Variants in SMARCA4 observed in about 807,000 individuals in gnomAD.
SMARCA4 encodes the protein SWI/SNF-related matrix-associated actin-dependent regulator of chromatin subfamily A member 4.
Under a neutral mutation model 193.9 loss-of-function variants are expected in SMARCA4, and 31 were observed. The ratio of observed to expected loss-of-function variants is 0.16; its 90% CI spans 0.12 to 0.22. SMARCA4 has a LOEUF of 0.22. SMARCA4 is among the 10% of genes least tolerant of loss of function. The pLI is 1.00. For missense variants in SMARCA4, 1,148 were observed against 2,296.0 expected (o/e 0.50, Z 10.22); for synonymous variants, 942 against 933.1 (o/e 1.01, Z -0.17).
At position 11,033,093 on chromosome 19, in the gene SMARCA4, A is replaced by C. The variant is rs111321203; in HGVS notation, c.3547-197A>C. On this transcript the variant is annotated intron_variant, in intron 25 of 34. Transcript: ENST00000344626. This position sits in a 1 kb window ranked among gnomAD's most constrained non-coding sequence, Gnocchi z 9.8. ...GGCACTTCTGGAGGAACGTGATGAG[A>C]GTCCCCTTCCCCCGAGGGACACATG... 5.9e-5 allele frequency: 39 copies of C among 655,836 alleles called. No homozygotes were observed. The highest frequency in any genetic ancestry group is 5.7e-4 in the African/African-American group (32 of 56,344). 40.6% of individuals were successfully genotyped at this position (655,836 alleles called of 1,614,324 possible).
At chr19:11,009,006 A>AATTTT (rs1568464528) in intron 14 of SMARCA4, among the ~76,000 whole-genome samples, 1 of 48,716 alleles carries the variant, frequency 2.1e-5, no homozygotes, top group African/African-American at 1.3e-4. Flanking sequence ...GATAAAAGTC[A>AATTTT]CTTTTTTTTT....
rs1060504452 is a variant in SMARCA4, at chr19:11,013,098, C to T, written c.2424C>T (p.Ile808=). The change falls in exon 16 of 35, where the codon ATC becomes ATT. Residue 808 remains isoleucine (I), a synonymous_variant. Coordinates refer to ENST00000344626, the MANE Select transcript of SMARCA4 (RefSeq NM_003072.5). ...EHKRINGPFL[I]IVPLSTLSNW... The stretch of plus-strand genomic sequence containing the variant: ...AACGCATCAATGGGCCCTTCCTCAT[C>T]ATCGTGCCTCTCTCGTGAGTACCCG... 1 of 1,614,128 alleles carries T rather than the reference C, an allele frequency of 6.2e-7. No homozygotes were observed. The highest frequency in any genetic ancestry group is 1.3e-5 in the African/African-American group (1 of 75,034).
At chr19:11,049,675 T>A (rs2146958278) in intron 30 of SMARCA4, among the ~76,000 whole-genome samples, 1 of 152,258 alleles carries the variant, frequency 6.6e-6, no homozygotes, top group Non-Finnish European at 1.5e-5. Context: ...GGGCACACCC[T>A]TGGTGTGCTT....
In SMARCA4 at chr19:11,021,958, C is replaced by T. The variant is rs141259126; in HGVS notation, c.2850C>T (p.Thr950=). The T allele has an allele frequency of 5.4e-5, 87 of 1,612,116 alleles. No individual in the cohort carries two copies. The African/African-American group carries it at 7.3e-4, about 14-fold the overall frequency. ...EQWFNAPFAM[T]GEKVDLNEEE... ...GGTTTAACGCACCCTTTGCCATGAC[C>T]GGGGAAAAGGTGGGTTTGCCCAGCT... is the stretch of plus-strand genomic sequence containing the variant. Residue 950 remains threonine (T), a synonymous_variant, in exon 19 of 35, where the codon ACC becomes ACT. Transcript: ENST00000344626.
At chr19:10,999,595 C>G (rs2087430602) in intron 11 of SMARCA4, among the ~76,000 whole-genome samples, 1 of 151,928 alleles carries the variant, frequency 6.6e-6, no homozygotes, top group South Asian at 2.1e-4. Context: ...GAGTTTGAGG[C>G]TATAGTGAGC....
At chr19:11,018,078 C>T (rs553102166) in intron 16 of SMARCA4, among the ~76,000 whole-genome samples, 9 of 152,338 alleles carry the variant, frequency 5.9e-5, no homozygotes, top group Admixed American at 2.6e-4. Flanking sequence ...TGGCTTCCAG[C>T]GGGGCTGGAG....
rs2146543782 is a variant in SMARCA4 at position 11,027,863 on chromosome 19, G to A, written c.3295G>A (p.Val1099Met). 6.2e-7 allele frequency: 1 copy of A among 1,614,142 alleles called. No homozygotes were observed. Among genetic ancestry groups the A allele is most frequent in the Non-Finnish European group, 8.5e-7 (1 of 1,180,026 alleles). Reference sequence around the variant, plus strand: ...CAAACTCCGAGCAACCAACCACAAAGTGCTGCTGTTCTGCCAAATGACCTC... The same window carrying A: ...CAAACTCCGAGCAACCAACCACAAAATGCTGCTGTTCTGCCAAATGACCTC... The part of the protein sequence containing the change: ...LPKLRATNHK[V>M]LLFCQMTSLM... The change falls in exon 24 of 35, where the codon GTG becomes ATG. Residue 1099 changes from valine to methionine, a missense_variant. This residue lies in a region of SMARCA4 where 74 missense variants were observed against 392.3 expected (regional missense o/e 0.19). Transcript: ENST00000344626.
chr19:11,014,113 T>C (rs1454069255), intron 16 of SMARCA4, among the ~76,000 whole-genome samples: 1 of 152,124 alleles, frequency 6.6e-6, no homozygotes, highest in Non-Finnish European at 1.5e-5. Flanking sequence ...TAGCATTTGG[T>C]CTGGCCCTAG....
At chr19:11,049,676 T>G (rs2146958309) in intron 30 of SMARCA4, among the ~76,000 whole-genome samples, 1 of 152,220 alleles carries the variant, frequency 6.6e-6, no homozygotes, top group Non-Finnish European at 1.5e-5. Flanking sequence ...GGCACACCCT[T>G]GGTGTGCTTG....
At chr19:11,025,348 C>A in intron 21 of SMARCA4, 74 bp from the exon 22 acceptor site, 2 of 942,580 alleles carry the variant, frequency 2.1e-6, no homozygotes, top group South Asian at 1.3e-5. Flanking sequence ...TCTCCCAACA[C>A]CCACCCATCC....
chr19:11,045,281 C>T (rs1459680076), intron 30 of SMARCA4, among the ~76,000 whole-genome samples: 3 of 151,856 alleles, frequency 2.0e-5, no homozygotes, highest in East Asian at 1.9e-4. Context: ...GACCGCGCCA[C>T]GGCACTCCAG....
chr19:11,004,980 T>C (rs560039590), intron 13 of SMARCA4, among the ~76,000 whole-genome samples: 67 of 152,120 alleles, frequency 4.4e-4, no homozygotes, highest in Middle Eastern at 6.8e-3. Flanking sequence ...TACAGGTGCA[T>C]GCCACCAAAC....
Position 11,031,346 on chromosome 19 carries a change from G to A in SMARCA4, c.3546+453G>A, listed in dbSNP as rs754264519. The stretch of plus-strand genomic sequence containing the variant: ...TAACCATGTACCCCTCATGGGCCTC[G>A]GCATCGGTGGATACCAGGTCATGCT... On this transcript the variant is annotated intron_variant, in intron 25 of 34. Coordinates refer to ENST00000344626, the MANE Select transcript of SMARCA4 (RefSeq NM_003072.5). This position sits in a 1 kb window ranked among gnomAD's most constrained non-coding sequence, Gnocchi z 4.3. 14 of 205,376 alleles carry A rather than the reference G, an allele frequency of 6.8e-5. No homozygotes were observed. Among genetic ancestry groups the A allele is most frequent in the Non-Finnish European group, 1.1e-4 (11 of 98,838 alleles). The allele number at this position is 205,376 out of a possible 1,614,324, so 12.7% of individuals were successfully genotyped here.
In SMARCA4 at chr19:11,033,233, C is replaced by T; in HGVS notation, c.3547-57C>T. On this transcript the variant is annotated intron_variant, in intron 25 of 34. Transcript: ENST00000344626. This position sits in a 1 kb window ranked among gnomAD's most constrained non-coding sequence, Gnocchi z 9.8. ...CTCTCCAGCTAGTGTCAGAGGCCAC[C>T]TTCCCTTTTATGACCTCCTGGGCTC... is the stretch of plus-strand genomic sequence containing the variant. The T allele has an allele frequency of 5.9e-6, 8 of 1,359,568 alleles. No individual in the cohort carries two copies. Among genetic ancestry groups the T allele is most frequent in the South Asian group, 5.8e-5 (5 of 85,924 alleles). 84.2% of individuals were successfully genotyped at this position (1,359,568 alleles called of 1,614,324 possible).
In SMARCA4 at chr19:11,041,947, G is replaced by C. The variant is rs940698267; in HGVS notation, c.4424+387G>C. ...GGCCTCAAGGGATGAGGTGGGATGA[G>C]GGGTTATATGGCAGTAATGGGTGCT... is the stretch of plus-strand genomic sequence containing the variant. On this transcript the variant is annotated intron_variant, in intron 30 of 34. Transcript: ENST00000344626. This position sits in a 1 kb window ranked among gnomAD's most constrained non-coding sequence, Gnocchi z 5.6. Among the ~76,000 whole-genome samples, 14 of 152,326 alleles carry C rather than the reference G, an allele frequency of 9.2e-5. No individual in the cohort carries two copies. The highest frequency in any genetic ancestry group is 3.1e-4 in the African/African-American group (13 of 41,570).
At position 11,007,111 on chromosome 19, in the gene SMARCA4, T is replaced by C. The variant is rs140001412; in HGVS notation, c.2002-791T>C. On this transcript the variant is annotated intron_variant, in intron 13 of 34. Coordinates refer to ENST00000344626, the MANE Select transcript of SMARCA4 (RefSeq NM_003072.5). ...CAACAATAACAAAAAAAAGGAAGTGTCAGGAATCTGTGGTGGGGAAACCAA... is the reference window on the plus strand; with the variant it reads ...CAACAATAACAAAAAAAAGGAAGTGCCAGGAATCTGTGGTGGGGAAACCAA... 2.1e-4 allele frequency among the ~76,000 whole-genome samples: 31 copies of C among 151,114 alleles called. No individual in the cohort carries two copies. In the East Asian group the frequency reaches 5.5e-3, roughly 27 times the overall value.
intron 8 of SMARCA4, among the ~76,000 whole-genome samples, chr19:10,992,467 C>T (rs1282333563): frequency 1.3e-5 from 2 of 148,492 alleles, no homozygotes; most frequent in East Asian, 2.0e-4. Context: ...TCTTGTCACC[C>T]GGACTGGAGT....
Position 10,984,466 on chromosome 19 carries a change from G to A in SMARCA4, c.222+93G>A, listed in dbSNP as rs2145731253. The A allele has an allele frequency of 1.3e-6, 2 of 1,546,782 alleles. No individual in the cohort carries two copies. The highest frequency in any genetic ancestry group is 8.7e-7 in the Non-Finnish European group (1 of 1,145,742). ...CCGAGGGCCTTACTTGGAGGATGGGGGGAAGCCTTCTTGTTGGAGGTGTCC... is the reference window on the plus strand; with the variant it reads ...CCGAGGGCCTTACTTGGAGGATGGGAGGAAGCCTTCTTGTTGGAGGTGTCC... On this transcript the variant is annotated intron_variant, in intron 2 of 34. Transcript: ENST00000344626. This position sits in a 1 kb window ranked among gnomAD's most constrained non-coding sequence, Gnocchi z 4.3.
At chr19:11,010,581 G>T (rs1392649484) in intron 15 of SMARCA4, 50 bp downstream of exon 15, 2 of 1,585,572 alleles carry the variant, frequency 1.3e-6, no homozygotes, top group Admixed American at 3.3e-5. Flanking sequence ...CTCGGTGCAG[G>T]TGTTCCCAGG....
Sources: gnomAD v4.1 joint callset for allele counts (sites outside exome capture counted in the v4.1 genomes callset) on GRCh38, gnomAD v4.1.1 for gene constraint, gnomAD v4.1.1 regional missense constraint, Gnocchi (gnomAD v3.1) non-coding constraint, MANE v1.5 for transcripts, NCBI Gene and HGNC (gene_info 2026-07-23, HGNC 2026-07-21) for gene names.